The following OLFM1 variants were observed in gnomAD, a reference collection of about 807,000 sequenced individuals.
OLFM1 encodes olfactomedin 1, also known as noelin.
Under a neutral mutation model 49.7 loss-of-function variants are expected in OLFM1, and 9 were observed. That is an observed-to-expected ratio of 0.18 (90% CI 0.11 to 0.32). OLFM1 has a LOEUF of 0.32. Among genes scored for constraint, OLFM1 ranks in the 10% least tolerant of loss-of-function variants. The pLI is 1.00. For missense variants in OLFM1, 369 were observed against 661.8 expected (o/e 0.56, Z 4.85); for synonymous variants, 240 against 271.8 (o/e 0.88, Z 1.15).
intron 1 of OLFM1, chr9:135,076,031 G>A (rs1304408930): frequency 6.9e-7 from 1 of 1,450,128 alleles, no homozygotes; most frequent in Admixed American, 2.7e-5. Context: ...GCTCAGCAGA[G>A]CTGACAGCTG....
At chr9:135,090,496 A>T in intron 2 of OLFM1, 152 bp downstream of exon 2, 1 of 768,096 alleles carries the variant, frequency 1.3e-6, no homozygotes, top group Non-Finnish European at 2.1e-6. Flanking sequence ...CACTCAAAAT[A>T]TTTGTGAATG....
Position 135,088,205 on chromosome 9 carries a change from C to G in OLFM1, c.150+66C>G, listed in dbSNP as rs1417868395. 1 of 1,220,312 alleles carries G rather than the reference C, an allele frequency of 8.2e-7. No homozygotes were observed. The highest frequency in any genetic ancestry group is 3.4e-5 in the East Asian group (1 of 29,756). 75.6% of individuals were successfully genotyped at this position (1,220,312 alleles called of 1,614,324 possible). On this transcript the variant is annotated intron_variant, in intron 1 of 5. Transcript: ENST00000371793. This position sits in a 1 kb window ranked among gnomAD's most constrained non-coding sequence, Gnocchi z 4.8. Reference sequence around the variant, plus strand: ...CTCCTCCTCCTCCCCCTCCTCGGTCCGGAGCCCCGGGCTGGGCGGGCGCCG... The same window carrying G: ...CTCCTCCTCCTCCCCCTCCTCGGTCGGGAGCCCCGGGCTGGGCGGGCGCCG...
intron 5 of OLFM1, among the ~76,000 whole-genome samples, chr9:135,108,074 G>A (rs1830970776): frequency 6.6e-6 from 1 of 152,212 alleles, no homozygotes; most frequent in African/African-American, 2.4e-5. Flanking sequence ...CCCCCATCTG[G>A]AAGGGCTGGC....
chr9:135,075,996 C>CGGA (rs1347266544), intron 1 of OLFM1: 37 of 1,436,764 alleles, frequency 2.6e-5, no homozygotes, highest in Non-Finnish European at 3.3e-5. Context: ...GCAGGCTGAC[C>CGGA]GGAGACGGCG....
intron 1 of OLFM1, among the ~76,000 whole-genome samples, chr9:135,082,347 C>T (rs532770507): frequency 4.6e-5 from 7 of 152,206 alleles, no homozygotes; most frequent in South Asian, 2.1e-4. Context: ...AAGTTGTCTT[C>T]GGGGAGTTTA....
At chr9:135,096,963 C>G (rs2119116723) in intron 3 of OLFM1, among the ~76,000 whole-genome samples, 1 of 152,310 alleles carries the variant, frequency 6.6e-6, no homozygotes, top group Admixed American at 6.5e-5. Context: ...ACAGTTGACT[C>G]CATCTCAGTG....
Position 135,119,705 on chromosome 9 carries a change from A to G in OLFM1, c.985A>G (p.Thr329Ala), listed in dbSNP as rs112869405. The G allele has an allele frequency of 8.1e-6, 13 of 1,613,980 alleles. 1 individual carries two copies. Among genetic ancestry groups the G allele is most frequent in the Non-Finnish European group, 8.5e-7 (1 of 1,180,036 alleles). Residue 329 changes from threonine (T) to alanine (A), a missense_variant, in exon 6 of 6, where the codon ACC (threonine) becomes GCC (alanine). By Grantham distance (58) the Thr-to-Ala change is moderately conservative. Transcript: ENST00000371793. ...IIIRFDLKTE[T>A]ILKTRSLDYA... The stretch of plus-strand genomic sequence containing the variant: ...CATCAGGTTTGACCTGAAGACAGAG[A>G]CCATCCTCAAGACCCGCAGCCTGGA...
chr9:135,109,176 G>A (rs1049115279), intron 5 of OLFM1, among the ~76,000 whole-genome samples: 3 of 152,114 alleles, frequency 2.0e-5, no homozygotes, highest in Admixed American at 1.3e-4. Flanking sequence ...TGTATCTAAC[G>A]CCACACGTGT....
chr9:135,114,628 G>A (rs61018036), intron 5 of OLFM1, among the ~76,000 whole-genome samples: 30,300 of 150,914 alleles, frequency 0.2, 3,153 homozygotes, highest in Middle Eastern at 0.3. Flanking sequence ...GGCAGCTCCC[G>A]CAGGCACAGA....
At chr9:135,081,628 G>A (rs1830533775) in intron 1 of OLFM1, among the ~76,000 whole-genome samples, 1 of 152,150 alleles carries the variant, frequency 6.6e-6, no homozygotes. Flanking sequence ...TACGTAGGCA[G>A]CCCTGTGCCC....
intron 5 of OLFM1, among the ~76,000 whole-genome samples, chr9:135,112,547 C>G (rs578032895): frequency 4.9e-4 from 74 of 152,250 alleles, no homozygotes; most frequent in Non-Finnish European, 7.8e-4. Context: ...AGCCTTGGGG[C>G]TCTGTGTAGC....
chr9:135,098,570 G>A lies in OLFM1; in HGVS notation c.676+65G>A, dbSNP rs1440807982. The A allele has an allele frequency of 1.4e-6, 2 of 1,464,900 alleles. No homozygotes were observed. Among genetic ancestry groups the A allele is most frequent in the East Asian group, 2.3e-5 (1 of 44,052 alleles). The allele number at this position is 1,464,900 out of a possible 1,614,324, so 90.7% of individuals were successfully genotyped here. On this transcript the variant is annotated intron_variant, in intron 4 of 5. Coordinates refer to ENST00000371793, the MANE Select transcript of OLFM1 (RefSeq NM_001282611.2). This position sits in a 1 kb window ranked among gnomAD's most constrained non-coding sequence, Gnocchi z 5.6. The stretch of plus-strand genomic sequence containing the variant: ...CACCTCCGGCACACGCACAGGCTTA[G>A]GGAGTGGTGCTGAAGTGGACAGCGC...
At chr9:135,090,085 T>C (rs62573436) in intron 1 of OLFM1, 110 bp from the exon 2 acceptor site, 20,663 of 1,027,556 alleles carry the variant, frequency 0.02, 417 homozygotes, top group African/African-American at 0.084. Context: ...CTCCCATCTT[T>C]TCCTTGGGGG....
chr9:135,106,987 G>C lies in OLFM1; in HGVS notation c.783+132G>C, dbSNP rs1399918620. ...GGACTGGGCAGCTTGGTGCCTGGGG[G>C]CGTTTGTTCCTGGAAGACTTTCGGG... is the stretch of plus-strand genomic sequence containing the variant. On this transcript the variant is annotated intron_variant, in intron 5 of 5. Coordinates refer to ENST00000371793, the MANE Select transcript of OLFM1 (RefSeq NM_001282611.2). 18 of 697,770 alleles carry C rather than the reference G, an allele frequency of 2.6e-5. No homozygotes were observed. In the East Asian group the frequency reaches 4.9e-4, roughly 19 times the overall value. 43.2% of individuals were successfully genotyped at this position (697,770 alleles called of 1,614,324 possible).
At chr9:135,094,261 A>T (rs1177834842) in intron 2 of OLFM1, among the ~76,000 whole-genome samples, 3 of 152,208 alleles carry the variant, frequency 2.0e-5, no homozygotes. Flanking sequence ...CCCCATGAGC[A>T]TCCTGTCCGG....
upstream of OLFM1, among the ~76,000 whole-genome samples, chr9:135,083,171 G>A (rs1465430303): frequency 6.6e-6 from 1 of 152,186 alleles, no homozygotes; most frequent in Non-Finnish European, 1.5e-5. Flanking sequence ...TGTTTGTGGG[G>A]TCCCTGAAAA....
chr9:135,105,054 C>T (rs929566783), intron 4 of OLFM1, among the ~76,000 whole-genome samples: 7 of 151,704 alleles, frequency 4.6e-5, no homozygotes, highest in Non-Finnish European at 1.0e-4. Flanking sequence ...CATGGCCTGG[C>T]CCAGAGCCCG....
chr9:135,081,661 T>C lies in OLFM1; in HGVS notation c.96+5859T>C, dbSNP rs1301518829. On this transcript the variant is annotated intron_variant, in intron 1 of 5. Transcript: ENST00000252854. ...CCCGTTAAATGTCTCAGCATGTGCA[T>C]GACAACTTGAGATCCAAGAAGTCAG... Among the ~76,000 whole-genome samples, 7 of 152,182 alleles carry C rather than the reference T, an allele frequency of 4.6e-5. 1 individual carries two copies. Among genetic ancestry groups the C allele is most frequent in the Admixed American group, 3.3e-4 (5 of 15,278 alleles).
rs139756322 is a variant in OLFM1, at chr9:135,098,608, G to A, written c.676+103G>A. 36 of 1,046,608 alleles carry A rather than the reference G, an allele frequency of 3.4e-5. 1 individual carries two copies. The highest frequency in any genetic ancestry group is 3.0e-4 in the Middle Eastern group (1 of 3,318). 64.8% of individuals were successfully genotyped at this position (1,046,608 alleles called of 1,614,324 possible). A position where few individuals can be genotyped will look rare whatever the true frequency, so the allele number is the denominator to read the frequency against. Reference sequence around the variant, plus strand: ...AAGTGGACAGCGCCCGCCTGGCTTCGCGAGGTGATGGCTGGATTAGGGCTC... The same window carrying A: ...AAGTGGACAGCGCCCGCCTGGCTTCACGAGGTGATGGCTGGATTAGGGCTC... On this transcript the variant is annotated intron_variant, in intron 4 of 5. Transcript: ENST00000371793. This position sits in a 1 kb window ranked among gnomAD's most constrained non-coding sequence, Gnocchi z 5.6.
Sources: gnomAD v4.1 joint callset for allele counts (sites outside exome capture counted in the v4.1 genomes callset) on GRCh38, gnomAD v4.1.1 for gene constraint, Gnocchi (gnomAD v3.1) non-coding constraint, MANE v1.5 for transcripts, NCBI Gene and HGNC (gene_info 2026-07-23, HGNC 2026-07-21) for gene names.